The following ZDHHC14 variants were observed in gnomAD, a reference collection of about 807,000 sequenced individuals.
The protein encoded by ZDHHC14 is zDHHC palmitoyltransferase 14.
Under a neutral mutation model 47.7 loss-of-function variants are expected in ZDHHC14, and 16 were observed. The observed-to-expected ratio is 0.34, with a 90% CI of 0.23 to 0.51. The LOEUF (loss-of-function observed/expected upper bound fraction) is 0.51. Ranked by LOEUF, ZDHHC14 falls within the 20% of genes least tolerant of loss-of-function variation. The pLI, the probability that ZDHHC14 is intolerant of heterozygous loss-of-function variation, is 0.97. For missense variants in ZDHHC14, 515 were observed against 662.5 expected, an observed-to-expected ratio of 0.78 and a Z score of 2.44; for synonymous variants, 293 against 278.9, an observed-to-expected ratio of 1.05 and a Z score of -0.50.
At chr6:157,469,018 T>G (rs1329369249) in intron 1 of ZDHHC14, among the ~76,000 whole-genome samples, 1 of 152,192 alleles carries the variant, frequency 6.6e-6, no homozygotes, top group Non-Finnish European at 1.5e-5. Context: ...GAGGTCTTAA[T>G]GTGAATGACA....
Position 157,592,501 on chromosome 6 carries a change from TTAA to T in ZDHHC14, c.407-485_407-483del, listed in dbSNP as rs367845870. 3.8e-3 allele frequency among the ~76,000 whole-genome samples: 574 copies of T among 152,222 alleles called. 3 individuals are homozygous for T. Among genetic ancestry groups the T allele is most frequent in the African/African-American group, 0.013 (534 of 41,534 alleles). ...CAGGAGAGCGAATTAGGGTGGTGTGTTAATGAGGGCAAGGCTAGCAGTAACAAG... is the reference window on the plus strand; with the variant it reads ...CAGGAGAGCGAATTAGGGTGGTGTGTTGAGGGCAAGGCTAGCAGTAACAAG... On this transcript the variant is annotated intron_variant, in intron 2 of 8. Coordinates refer to ENST00000359775, the MANE Select transcript of ZDHHC14 (RefSeq NM_024630.3).
At chr6:157,647,403 C>T (rs1187977231) in intron 7 of ZDHHC14, 35 bp downstream of exon 7, 1 of 1,546,506 alleles carries the variant, frequency 6.5e-7, no homozygotes, top group Non-Finnish European at 8.9e-7. Flanking sequence ...CTTCAACAGA[C>T]CTTGGAAAAC....
intron 1 of ZDHHC14, among the ~76,000 whole-genome samples, chr6:157,503,508 G>A (rs538204515): frequency 6.6e-6 from 1 of 152,272 alleles, no homozygotes; most frequent in South Asian, 2.1e-4. Context: ...TGTTTAATGG[G>A]GGTGGAGTTG....
chr6:157,485,181 G>A (rs1779748347), intron 1 of ZDHHC14, among the ~76,000 whole-genome samples: 1 of 152,178 alleles, frequency 6.6e-6, no homozygotes, highest in African/African-American at 2.4e-5. Flanking sequence ...ATGAACCTGA[G>A]GCCCTGAGCC....
chr6:157,552,332 CGGCAG>C (rs1473699120), intron 2 of ZDHHC14, among the ~76,000 whole-genome samples: 1 of 151,932 alleles, frequency 6.6e-6, no homozygotes, highest in Admixed American at 6.6e-5. Context: ...CATGCAGAGT[CGGCAG>C]GGCAGGGCAG....
chr6:157,500,459 G>C (rs1780168541), intron 1 of ZDHHC14, among the ~76,000 whole-genome samples: 1 of 152,168 alleles, frequency 6.6e-6, no homozygotes, highest in South Asian at 2.1e-4. Context: ...GGGACGTAAG[G>C]GGGCAGGAGA....
chr6:157,393,562 T>C lies in ZDHHC14; in HGVS notation c.245+11296T>C, dbSNP rs185193458. 9.7e-4 allele frequency among the ~76,000 whole-genome samples: 147 copies of C among 152,324 alleles called. 1 individual carries two copies. The highest frequency in any genetic ancestry group is 1.6e-3 in the Non-Finnish European group (108 of 68,020). ...CTTGCTGAGAAATGATTGCCCTTCT[T>C]GTACTGATCATAGAAATAAGTCTCT... is the stretch of plus-strand genomic sequence containing the variant. On this transcript the variant is annotated intron_variant, in intron 1 of 8. Transcript: ENST00000359775.
intron 1 of ZDHHC14, among the ~76,000 whole-genome samples, chr6:157,490,990 G>T (rs1453540605): frequency 1.3e-5 from 2 of 152,172 alleles, no homozygotes; most frequent in Non-Finnish European, 2.9e-5. Flanking sequence ...AGGTATTAGG[G>T]AGGGAAGGGG....
At chr6:157,584,441 C>T (rs1184324006) in intron 2 of ZDHHC14, among the ~76,000 whole-genome samples, 2 of 152,172 alleles carry the variant, frequency 1.3e-5, no homozygotes, top group Non-Finnish European at 2.9e-5. Flanking sequence ...TGGGATTTTT[C>T]CTTTTGCATT....
intron 1 of ZDHHC14, among the ~76,000 whole-genome samples, chr6:157,478,908 C>A (rs913375258): frequency 6.6e-6 from 1 of 152,192 alleles, no homozygotes; most frequent in African/African-American, 2.4e-5. Flanking sequence ...GTATGTTAAA[C>A]CATGAATTAC....
intron 2 of ZDHHC14, among the ~76,000 whole-genome samples, chr6:157,575,380 C>T (rs62423202): frequency 0.023 from 3,506 of 152,304 alleles, 53 homozygotes; most frequent in Middle Eastern, 0.048. Flanking sequence ...ACAGTCACAG[C>T]TTCCTTTTGC....
chr6:157,485,962 G>A (rs1287637651), intron 1 of ZDHHC14, among the ~76,000 whole-genome samples: 6 of 152,244 alleles, frequency 3.9e-5, no homozygotes, highest in Non-Finnish European at 8.8e-5. Flanking sequence ...GCAGTGAGCC[G>A]AGATCAGGCC....
chr6:157,592,697 A>G, intron 2 of ZDHHC14: 1 of 1,100,544 alleles, frequency 9.1e-7, no homozygotes, highest in Non-Finnish European at 1.1e-6. Context: ...GGGAGGGGGA[A>G]GGAGGAAAAG....
chr6:157,615,419 G>A (rs538021187), intron 3 of ZDHHC14, among the ~76,000 whole-genome samples: 10 of 152,316 alleles, frequency 6.6e-5, no homozygotes, highest in African/African-American at 2.2e-4. Context: ...CCCTGTTCTC[G>A]TAAATACTTT....
intron 1 of ZDHHC14, among the ~76,000 whole-genome samples, chr6:157,532,365 C>A (rs1029062743): frequency 3.9e-5 from 6 of 152,228 alleles, no homozygotes; most frequent in Admixed American, 6.5e-5. Context: ...CGTTTGGGTT[C>A]AATTCCATGA....
chr6:157,461,716 C>G (rs1429788796), intron 1 of ZDHHC14, among the ~76,000 whole-genome samples: 1 of 152,174 alleles, frequency 6.6e-6, no homozygotes, highest in African/African-American at 2.4e-5. Context: ...GAGAACAGAG[C>G]TGGGCAGCAG....
At chr6:157,562,165 G>A (rs1782734276) in intron 2 of ZDHHC14, among the ~76,000 whole-genome samples, 2 of 152,310 alleles carry the variant, frequency 1.3e-5, no homozygotes, top group South Asian at 4.1e-4. Context: ...GGGCGTAGGG[G>A]CTGTGGGGAC....
rs143558130 is a variant in ZDHHC14, at chr6:157,635,183, C to T, written c.752+2301C>T. ...CTAATTTTTATATTTTAAGTAGAGA[C>T]GGGGTTTCACCATGTTGGTCAGGCT... is the stretch of plus-strand genomic sequence containing the variant. On this transcript the variant is annotated intron_variant, in intron 5 of 8. Transcript: ENST00000359775. Among the ~76,000 whole-genome samples the T allele has an allele frequency of 2.5e-3, 388 of 152,234 alleles. 1 individual carries two copies. Among genetic ancestry groups the T allele is most frequent in the African/African-American group, 9.1e-3 (377 of 41,540 alleles).
intron 8 of ZDHHC14, among the ~76,000 whole-genome samples, chr6:157,656,277 C>G (rs550108465): frequency 6.6e-6 from 1 of 152,214 alleles, no homozygotes; most frequent in Admixed American, 6.5e-5. Flanking sequence ...AGAAGCCTGT[C>G]GCAGTGCAGC....
Sources: gnomAD v4.1 joint callset for allele counts (sites outside exome capture counted in the v4.1 genomes callset) on GRCh38, gnomAD v4.1.1 for gene constraint, MANE v1.5 for transcripts, NCBI Gene and HGNC (gene_info 2026-07-23, HGNC 2026-07-21) for gene names.